The following PCDHGA3 variants were observed in gnomAD, a reference collection of about 807,000 sequenced individuals.
PCDHGA3 encodes the protein protocadherin gamma subfamily A, 3, also known as protocadherin gamma-A3.
In PCDHGA3, 40 loss-of-function variants were observed where a neutral mutation model predicts 58.5. That is an observed-to-expected ratio of 0.68 (90% confidence interval 0.53 to 0.89). The LOEUF (loss-of-function observed/expected upper bound fraction) is 0.89, where lower values mean the gene tolerates loss of function less well. PCDHGA3 is among the 40% of genes least tolerant of loss of function. The pLI is 0.00. For missense variants in PCDHGA3, 1,223 were observed against 1,195.9 expected, an observed-to-expected ratio of 1.02 and a Z score of -0.33; for synonymous variants, 530 against 525.7, an observed-to-expected ratio of 1.01 and a Z score of -0.11.
Position 141,485,057 on chromosome 5 carries a change from C to A in PCDHGA3, c.2425-9750C>A, listed in dbSNP as rs2099605934. ...GTAACCCTTGCGGCGCCGGCCGAACCGCGCCAGAGCTGGCGCGGGGAAAGG... is the reference window on the plus strand; with the variant it reads ...GTAACCCTTGCGGCGCCGGCCGAACAGCGCCAGAGCTGGCGCGGGGAAAGG... On this transcript the variant is annotated intron_variant, in intron 1 of 3. Coordinates refer to ENST00000253812, the MANE Select transcript of PCDHGA3 (RefSeq NM_018916.4). The surrounding 1 kb of genome is among the most constrained non-coding windows in gnomAD (Gnocchi z 5.7). The A allele has an allele frequency of 2.4e-6, 2 of 843,718 alleles. No homozygotes were observed. Among genetic ancestry groups the A allele is most frequent in the South Asian group, 1.7e-5 (1 of 59,950 alleles). 52.3% of individuals were successfully genotyped at this position (843,718 alleles called of 1,614,324 possible).
rs1208690061 is a variant in PCDHGA3 at position 141,362,188 on chromosome 5, C to G, written c.2424+15731C>G. The G allele has an allele frequency of 1.4e-5, 22 of 1,613,936 alleles. No homozygotes were observed. The East Asian group carries it at 4.9e-4, about 36-fold the overall frequency. ...CGACCGCCGGGAGCCCTCTGACCCC[C>G]AGGCAAAACTGCAGTTTTACCTGGT... is the stretch of plus-strand genomic sequence containing the variant. On this transcript the variant is annotated intron_variant, in intron 1 of 3. Transcript: ENST00000253812.
rs769074023 is a variant in PCDHGA3 at position 141,491,738 on chromosome 5, G to T, written c.2425-3069G>T. On this transcript the variant is annotated intron_variant, in intron 1 of 3. Transcript: ENST00000253812. The surrounding 1 kb of genome is among the most constrained non-coding windows in gnomAD (Gnocchi z 6.9). The stretch of plus-strand genomic sequence containing the variant: ...GCGCCGCCCCGGGCGACCCCTGGGG[G>T]CGGCACTGGAGAAGCCGCCCGTCCT... 38 of 1,600,228 alleles carry T rather than the reference G, an allele frequency of 2.4e-5. No homozygotes were observed. The highest frequency in any genetic ancestry group is 3.1e-5 in the Non-Finnish European group (36 of 1,174,204).
chr5:141,366,218 C>T (rs1366831646), intron 1 of PCDHGA3: 3 of 1,613,704 alleles, frequency 1.9e-6, no homozygotes, highest in African/African-American at 1.3e-5. Context: ...GCGCACAGCG[C>T]GAGCCCTGCT....
chr5:141,376,273 T>C (rs765392169), intron 1 of PCDHGA3: 25 of 1,613,968 alleles, frequency 1.5e-5, no homozygotes, highest in Non-Finnish European at 1.9e-5. Context: ...CTTCGGGAGG[T>C]GGCTTAGCGA....
intron 1 of PCDHGA3, chr5:141,372,748 C>A: frequency 1.1e-5 from 17 of 1,613,132 alleles, no homozygotes; most frequent in Non-Finnish European, 1.4e-5. Flanking sequence ...TGTGATGAAG[C>A]CTCTTGGTTT....
chr5:141,509,811 C>T (rs1321920000), intron 3 of PCDHGA3, among the ~76,000 whole-genome samples: 1 of 152,168 alleles, frequency 6.6e-6, no homozygotes, highest in African/African-American at 2.4e-5. Flanking sequence ...TAGAGCCGAG[C>T]TCTTCTCCAT....
chr5:141,465,048 A>AT (rs905091014), intron 1 of PCDHGA3, among the ~76,000 whole-genome samples: 18 of 151,226 alleles, frequency 1.2e-4, no homozygotes, highest in African/African-American at 4.4e-4. Context: ...GACCCTATAT[A>AT]TTTTTTTGAA....
intron 1 of PCDHGA3, chr5:141,411,445 G>A (rs926329934): frequency 1.3e-5 from 2 of 151,656 alleles, no homozygotes; most frequent in South Asian, 2.1e-4. Flanking sequence ...TTAGCAGAGT[G>A]TGGTAGCATT....
intron 1 of PCDHGA3, chr5:141,405,443 A>G (rs2154536495): frequency 7.2e-7 from 1 of 1,381,938 alleles, no homozygotes; most frequent in Non-Finnish European, 1.0e-6. Flanking sequence ...TTTTTGAGAC[A>G]GAGTCTTACT....
Position 141,347,024 on chromosome 5 carries a change from CTCCT to C in PCDHGA3, c.2424+580_2424+583del, listed in dbSNP as rs773361494. Among the ~76,000 whole-genome samples, 17 of 149,360 alleles carry C rather than the reference CTCCT, an allele frequency of 1.1e-4. No individual in the cohort carries two copies. The East Asian group carries it at 2.5e-3, about 22-fold the overall frequency. On this transcript the variant is annotated intron_variant, in intron 1 of 3. Coordinates refer to ENST00000253812, the MANE Select transcript of PCDHGA3 (RefSeq NM_018916.4). Reference sequence around the variant, plus strand: ...TCCTTCCTTCCTTCCTCTCTCTTTCCTCCTTCCTTCCTTCCTCTCTCTCTTTCCT... The same window carrying C: ...TCCTTCCTTCCTTCCTCTCTCTTTCCTCCTTCCTTCCTCTCTCTCTTTCCT...
intron 1 of PCDHGA3, chr5:141,398,685 G>T: frequency 6.2e-7 from 1 of 1,613,966 alleles, no homozygotes; most frequent in Non-Finnish European, 8.5e-7. Flanking sequence ...AGGAGAAACA[G>T]GATGGTAGTA....
At position 141,408,036 on chromosome 5, in the gene PCDHGA3, A is replaced by G. The variant is rs941133513; in HGVS notation, c.2424+61579A>G. On this transcript the variant is annotated intron_variant, in intron 1 of 3. Coordinates refer to ENST00000253812, the MANE Select transcript of PCDHGA3 (RefSeq NM_018916.4). ...AGCCAACAACAGAAAGAAGAAAACC[A>G]GCTCCCACACAGAGCCTCCCGGCTG... 7.9e-6 allele frequency: 9 copies of G among 1,132,718 alleles called. No individual in the cohort carries two copies. In the African/African-American group the frequency reaches 1.4e-4, roughly 18 times the overall value. The allele number at this position is 1,132,718 out of a possible 1,614,324, so 70.2% of individuals were successfully genotyped here. A position where few individuals can be genotyped will look rare whatever the true frequency, so the allele number is the denominator to read the frequency against.
chr5:141,361,369 C>G (rs768974376), intron 1 of PCDHGA3: 3 of 1,613,948 alleles, frequency 1.9e-6, no homozygotes, highest in African/African-American at 1.3e-5. Context: ...CGCTCTGGAC[C>G]GGGAGGAGAT....
At chr5:141,483,076 C>A (rs964178941) in intron 1 of PCDHGA3, among the ~76,000 whole-genome samples, 8 of 152,044 alleles carry the variant, frequency 5.3e-5, no homozygotes, top group Non-Finnish European at 8.8e-5. Context: ...CAGAGAGAGA[C>A]TCCATCTCAA....
chr5:141,420,176 C>CA (rs1162032152), intron 1 of PCDHGA3: 5 of 1,613,874 alleles, frequency 3.1e-6, no homozygotes, highest in Non-Finnish European at 4.2e-6. Flanking sequence ...ATCTGTTGAT[C>CA]ATTGTCCAGC....
At chr5:141,402,407 A>G (rs1365068565) in intron 1 of PCDHGA3, among the ~76,000 whole-genome samples, 1 of 152,106 alleles carries the variant, frequency 6.6e-6, no homozygotes, top group African/African-American at 2.4e-5. Context: ...AATTGTTAAG[A>G]TACACAGAAA....
At chr5:141,484,790 A>T (rs1562101198) in intron 1 of PCDHGA3, among the ~76,000 whole-genome samples, 1 of 152,076 alleles carries the variant, frequency 6.6e-6, no homozygotes, top group Admixed American at 6.6e-5. Flanking sequence ...CACAGAGATA[A>T]CAACCCGTGG....
Position 141,344,103 on chromosome 5 carries a change from T to TGCG in PCDHGA3, c.71_73dup (p.Cys24_Glu25insGly), listed in dbSNP as rs2149732646. On this transcript the variant is annotated inframe_insertion, in exon 1 of 4. Coordinates refer to ENST00000253812, the MANE Select transcript of PCDHGA3 (RefSeq NM_018916.4). ...GCTGTGCGCGCTCCTGGGGACGCTG[T>TGCG]GCGAAACAGGATCCGGTCAGATCCG... 1 of 1,613,920 alleles carries TGCG rather than the reference T, an allele frequency of 6.2e-7. No homozygotes were observed. The highest frequency in any genetic ancestry group is 2.2e-5 in the East Asian group (1 of 44,878).
At position 141,430,917 on chromosome 5, in the gene PCDHGA3, G is replaced by A. The variant is rs2097324810; in HGVS notation, c.2425-63890G>A. ...GTGGGCGACATCTCCAGGGACCTGG[G>A]GCTGGAGCCCCGGGAGCTCGCGGAG... On this transcript the variant is annotated intron_variant, in intron 1 of 3. Coordinates refer to ENST00000253812, the MANE Select transcript of PCDHGA3 (RefSeq NM_018916.4). The A allele has an allele frequency of 1.9e-6, 3 of 1,607,956 alleles. No individual in the cohort carries two copies. The highest frequency in any genetic ancestry group is 2.5e-6 in the Non-Finnish European group (3 of 1,177,520).
Sources: allele counts gnomAD v4.1 joint callset (sites outside exome capture counted in the v4.1 genomes callset), GRCh38; gene constraint gnomAD v4.1.1; non-coding constraint Gnocchi (gnomAD v3.1); transcripts MANE v1.5; gene names NCBI Gene and HGNC (gene_info 2026-07-23, HGNC 2026-07-21).